Variants in CDON observed in about 807,000 individuals in gnomAD.
CDON encodes the protein cell adhesion associated, oncogene regulated.
CDON carries 73 observed loss-of-function variants against 120.9 expected under a neutral mutation model. The ratio of observed to expected loss-of-function variants is 0.60; its 90% CI spans 0.50 to 0.73. The LOEUF is 0.73. Among genes scored for constraint, CDON ranks in the 30% least tolerant of loss-of-function variants. CDON has a pLI of 0.00. For synonymous variants in CDON, 566 were observed against 573.5 expected, an observed-to-expected ratio of 0.99 and a Z score of 0.19; for missense variants, 1,470 against 1,587.3, an observed-to-expected ratio of 0.93 and a Z score of 1.26.
At chr11:126,041,805 A>G (rs148487804) in intron 1 of CDON, among the ~76,000 whole-genome samples, 49 of 152,360 alleles carry the variant, frequency 3.2e-4, no homozygotes, top group African/African-American at 1.2e-3. Context: ...CCACAATGCT[A>G]ATTTAACCTA....
chr11:125,966,960 C>T (rs1436042498), intron 18 of CDON, among the ~76,000 whole-genome samples: 1 of 150,818 alleles, frequency 6.6e-6, no homozygotes, highest in Non-Finnish European at 1.5e-5. Context: ...CACCTTCAGT[C>T]TTGTACTGTA....
At chr11:126,004,422 A>G in intron 9 of CDON, 1 of 309,618 alleles carries the variant, frequency 3.2e-6, no homozygotes, top group Non-Finnish European at 6.2e-6. Context: ...TAAGTATAAA[A>G]TAATAGGTAT....
chr11:125,973,644 T>C lies in CDON; in HGVS notation c.3356+4660A>G, dbSNP rs373781871. On this transcript the variant is annotated intron_variant, in intron 18 of 19. Transcript: ENST00000531738. ...TTTTAATTCTGACTCCTCCAGTTAC[T>C]AGGTTTCTGCTATGTTGGCCTTCTT... 6.6e-5 allele frequency among the ~76,000 whole-genome samples: 10 copies of C among 152,370 alleles called. No individual in the cohort carries two copies. The South Asian group carries it at 1.2e-3, about 19-fold the overall frequency.
chr11:126,007,002 G>GA (rs1213368237), intron 8 of CDON, among the ~76,000 whole-genome samples: 205 of 148,840 alleles, frequency 1.4e-3, no homozygotes, highest in African/African-American at 2.8e-3. Flanking sequence ...GTGCTGCTGT[G>GA]AAAAAAAAAA....
At chr11:126,044,999 A>G (rs1948364870) in intron 1 of CDON, among the ~76,000 whole-genome samples, 1 of 152,024 alleles carries the variant, frequency 6.6e-6, no homozygotes, top group East Asian at 1.9e-4. Context: ...AAACACATAC[A>G]ACTATTAGGT....
At chr11:126,006,085 T>G (rs1947121182) in intron 8 of CDON, 28 bp from the exon 9 acceptor site, 1 of 1,599,124 alleles carries the variant, frequency 6.3e-7, no homozygotes, top group East Asian at 2.2e-5. Context: ...GGAGACAGCT[T>G]GAAGATACTC....
Position 126,062,610 on chromosome 11 carries a change from T to A in CDON, c.-93A>T, listed in dbSNP as rs1395038778. 3 of 151,856 alleles carry A rather than the reference T, an allele frequency of 2.0e-5. No homozygotes were observed. The highest frequency in any genetic ancestry group is 7.3e-5 in the African/African-American group (3 of 41,232). 9.4% of individuals were successfully genotyped at this position (151,856 alleles called of 1,614,324 possible). A position where few individuals can be genotyped will look rare whatever the true frequency, so the allele number is the denominator to read the frequency against. On this transcript the variant is annotated 5_prime_UTR_variant, in exon 1 of 20. Coordinates refer to ENST00000531738, the MANE Select transcript of CDON (RefSeq NM_001378964.1). ...GCGGGGCTGGCTAAGCCTCCAGACC[T>A]CCTGCGCTGCAGCCGGCTCGGAAAG...
intron 16 of CDON, 61 bp from the exon 17 acceptor site, chr11:125,981,390 A>G: frequency 6.5e-6 from 10 of 1,542,084 alleles, no homozygotes; most frequent in African/African-American, 1.4e-5. Context: ...ACACATGCAC[A>G]TACGCACACA....
chr11:126,056,557 A>G (rs1005918643), intron 1 of CDON, among the ~76,000 whole-genome samples: 3 of 152,216 alleles, frequency 2.0e-5, no homozygotes, highest in Non-Finnish European at 1.5e-5. Flanking sequence ...CTTAATCAAC[A>G]TTTCCAATAA....
intron 11 of CDON, among the ~76,000 whole-genome samples, chr11:125,999,282 T>C (rs1275506870): frequency 1.3e-5 from 2 of 152,170 alleles, no homozygotes; most frequent in Admixed American, 1.3e-4. Context: ...AAGAAAGTTA[T>C]TGGGGAAAAT....
chr11:126,005,659 T>G lies in CDON; in HGVS notation c.1851+100A>C, dbSNP rs80244568. The G allele has an allele frequency of 1.3e-5, 15 of 1,119,536 alleles. No individual in the cohort carries two copies. In the African/African-American group the frequency reaches 1.8e-4, roughly 14 times the overall value. 69.4% of individuals were successfully genotyped at this position (1,119,536 alleles called of 1,614,324 possible). A position where few individuals can be genotyped will look rare whatever the true frequency, so the allele number is the denominator to read the frequency against. ...ACTCATCAGTCTGGAAGACTCTTGT[T>G]CTGTTTCCTGCCATTCTACAAATGA... On this transcript the variant is annotated intron_variant, in intron 9 of 19. Coordinates refer to ENST00000531738, the MANE Select transcript of CDON (RefSeq NM_001378964.1).
intron 1 of CDON, among the ~76,000 whole-genome samples, chr11:126,031,152 G>T (rs1947932030): frequency 6.6e-6 from 1 of 152,156 alleles, no homozygotes. Flanking sequence ...TAAATACTTG[G>T]TGCATGCTTA....
rs555608939 is a variant in CDON, at chr11:125,971,279, A to G, written c.3356+7025T>C. ...GCACTTGTAGTCCCAGCAACTCAGGAGGCTGAGGCAGGAGAATGGCGTGAA... is the reference window on the plus strand; with the variant it reads ...GCACTTGTAGTCCCAGCAACTCAGGGGGCTGAGGCAGGAGAATGGCGTGAA... On this transcript the variant is annotated intron_variant, in intron 18 of 19. Transcript: ENST00000531738. 3.3e-5 allele frequency among the ~76,000 whole-genome samples: 5 copies of G among 152,120 alleles called. No individual in the cohort carries two copies. The South Asian group carries it at 1.0e-3, about 32-fold the overall frequency.
In CDON at chr11:125,959,095, G is replaced by A. The variant is rs1285490245; in HGVS notation, c.*1847C>T. 2 of 152,220 alleles carry A rather than the reference G, an allele frequency of 1.3e-5. No homozygotes were observed. Among genetic ancestry groups the A allele is most frequent in the African/African-American group, 4.8e-5 (2 of 41,538 alleles). The allele number at this position is 152,220 out of a possible 1,614,324, so 9.4% of individuals were successfully genotyped here. A position where few individuals can be genotyped will look rare whatever the true frequency, so the allele number is the denominator to read the frequency against. On this transcript the variant is annotated 3_prime_UTR_variant, in exon 20 of 20. Coordinates refer to ENST00000531738, the MANE Select transcript of CDON (RefSeq NM_001378964.1). Reference sequence around the variant, plus strand: ...TGGGTCTACAGCATCCCTAATATCCGACTAGGGAATTACATTCACTACATT... The same window carrying A: ...TGGGTCTACAGCATCCCTAATATCCAACTAGGGAATTACATTCACTACATT...
At chr11:125,986,364 G>A (rs545402548) in intron 15 of CDON, among the ~76,000 whole-genome samples, 2 of 152,074 alleles carry the variant, frequency 1.3e-5, no homozygotes, top group Middle Eastern at 3.4e-3. Context: ...AAACCAACAC[G>A]GCACATGTAT....
At chr11:125,973,180 G>A (rs912982609) in intron 18 of CDON, among the ~76,000 whole-genome samples, 13 of 151,924 alleles carry the variant, frequency 8.6e-5, no homozygotes, top group Admixed American at 3.3e-4. Flanking sequence ...CTGGTCTCCA[G>A]GTATCCTCTC....
chr11:126,028,553 G>A (rs1403626139), intron 1 of CDON, among the ~76,000 whole-genome samples: 3 of 151,570 alleles, frequency 2.0e-5, no homozygotes, highest in Non-Finnish European at 4.4e-5. Context: ...AGTAGAGATC[G>A]GGTTTTGCCA....
chr11:125,999,867 C>T (rs763448337), intron 11 of CDON, among the ~76,000 whole-genome samples: 181 of 152,324 alleles, frequency 1.2e-3, no homozygotes, highest in Non-Finnish European at 2.0e-3. Context: ...ACAAGGCATT[C>T]CCCACAGTAA....
chr11:125,976,036 T>C (rs1293143130), intron 18 of CDON, among the ~76,000 whole-genome samples: 2 of 152,220 alleles, frequency 1.3e-5, no homozygotes, highest in East Asian at 1.9e-4. Context: ...AACTCATTCA[T>C]AGTAACAATG....
Sources: gnomAD v4.1 joint callset for allele counts (sites outside exome capture counted in the v4.1 genomes callset) on GRCh38, gnomAD v4.1.1 for gene constraint, MANE v1.5 for transcripts, NCBI Gene and HGNC (gene_info 2026-07-23, HGNC 2026-07-21) for gene names.